The following MAL variants were observed in gnomAD, a reference collection of about 807,000 sequenced individuals.
The protein encoded by MAL is mal, T cell differentiation protein (MAL blood group).
Under a neutral mutation model 16.7 loss-of-function variants are expected in MAL, and 5 were observed. That is an observed-to-expected ratio of 0.30 (90% CI 0.16 to 0.63). MAL has a LOEUF of 0.63. MAL is among the 30% of genes least tolerant of loss of function. The pLI is 0.82. For missense variants in MAL, 202 were observed against 195.8 expected (o/e 1.03, Z -0.19); for synonymous variants, 96 against 85.5 (o/e 1.12, Z -0.67).
At chr2:95,044,915 C>A (rs1372784711) in intron 1 of MAL, among the ~76,000 whole-genome samples, 2 of 152,204 alleles carry the variant, frequency 1.3e-5, no homozygotes, top group African/African-American at 4.8e-5. Flanking sequence ...ACATCTTAAG[C>A]CACGTGGGAA....
intron 1 of MAL, among the ~76,000 whole-genome samples, chr2:95,028,152 CA>C (rs898443996): frequency 0.017 from 662 of 39,700 alleles, 4 homozygotes; most frequent in Middle Eastern, 0.056. Flanking sequence ...ACTAAAAATA[CA>C]AAAAAAAAAA....
intron 2 of MAL, 80 bp from the exon 3 acceptor site, chr2:95,049,501 G>C: frequency 3.9e-6 from 6 of 1,558,266 alleles, no homozygotes; most frequent in Non-Finnish European, 5.3e-6. Flanking sequence ...GGCAAGGGGC[G>C]GGGGTGGAGG....
chr2:95,047,156 T>C (rs545344775), intron 1 of MAL, among the ~76,000 whole-genome samples: 6 of 152,256 alleles, frequency 3.9e-5, no homozygotes, highest in Non-Finnish European at 7.4e-5. Context: ...GGAAAGGACA[T>C]TTTAATATCA....
intron 1 of MAL, among the ~76,000 whole-genome samples, chr2:95,038,373 T>A (rs1197635843): frequency 2.0e-5 from 3 of 151,514 alleles, no homozygotes; most frequent in Non-Finnish European, 4.4e-5. Context: ...GCTAAGTGAG[T>A]GAGTGACTAA....
At chr2:95,034,740 T>C (rs2104335003) in intron 1 of MAL, among the ~76,000 whole-genome samples, 1 of 152,260 alleles carries the variant, frequency 6.6e-6, no homozygotes, top group South Asian at 2.1e-4. Context: ...ACAGACCTCC[T>C]TCATCTCCAT....
intron 1 of MAL, among the ~76,000 whole-genome samples, chr2:95,028,035 G>T (rs1227938277): frequency 6.6e-6 from 1 of 151,926 alleles, no homozygotes; most frequent in African/African-American, 2.4e-5. Context: ...GGCCAGTTGC[G>T]GTGACTCACG....
At chr2:95,032,452 T>G (rs753558844) in intron 1 of MAL, among the ~76,000 whole-genome samples, 4 of 152,214 alleles carry the variant, frequency 2.6e-5, no homozygotes, top group Non-Finnish European at 2.9e-5. Flanking sequence ...GGCTTCCTCC[T>G]GGCCCCTCCA....
At chr2:95,037,300 A>AG (rs1458826879) in intron 1 of MAL, among the ~76,000 whole-genome samples, 1 of 130,048 alleles carries the variant, frequency 7.7e-6, no homozygotes, top group East Asian at 2.7e-4. Context: ...TGAATGACTG[A>AG]TGGGTGAGTG....
intron 1 of MAL, among the ~76,000 whole-genome samples, chr2:95,044,113 G>A (rs1444163280): frequency 3.9e-5 from 6 of 152,226 alleles, no homozygotes; most frequent in Non-Finnish European, 7.3e-5. Context: ...GTCCCCTTGA[G>A]AGAGAATTTC....
At chr2:95,028,193 C>CATGCCTGTA (rs1432491511) in intron 1 of MAL, among the ~76,000 whole-genome samples, 1 of 149,006 alleles carries the variant, frequency 6.7e-6, no homozygotes, top group Non-Finnish European at 1.5e-5. Context: ...TTGGGTGGCT[C>CATGCCTGTA]ATGCCTGTAG....
chr2:95,049,623 G>C lies in MAL; in HGVS notation c.304G>C (p.Ala102Pro). ...CACCGCTGCCCTCTTTTACCTCAGC[G>C]CCTCAGTCCTGGAGGCCCTGGCCAC... ...HCTAALFYLS[A>P]SVLEALATIT... The change falls in exon 3 of 4, where the codon GCC becomes CCC. Residue 102 changes from alanine to proline, a missense_variant. Transcript: ENST00000309988. 1 of 1,614,162 alleles carries C rather than the reference G, an allele frequency of 6.2e-7. No individual in the cohort carries two copies.
chr2:95,038,816 CTGAG>C (rs753293970), intron 1 of MAL, among the ~76,000 whole-genome samples: 17 of 118,150 alleles, frequency 1.4e-4, no homozygotes, highest in Non-Finnish European at 2.2e-4. Flanking sequence ...GACCGAGTGA[CTGAG>C]TGAGTGAGTG....
chr2:95,028,332 A>T (rs180920206), intron 1 of MAL, among the ~76,000 whole-genome samples: 2 of 152,092 alleles, frequency 1.3e-5, no homozygotes, highest in East Asian at 3.9e-4. Context: ...CAAAAAAATA[A>T]ATTAATAAGT....
intron 1 of MAL, chr2:95,044,431 A>G (rs1376519654): frequency 6.6e-6 from 1 of 152,226 alleles, no homozygotes; most frequent in African/African-American, 2.4e-5. Context: ...CTGTTTAAGA[A>G]AAGAAAAAGA....
chr2:95,031,274 C>T (rs1674070855), intron 1 of MAL, among the ~76,000 whole-genome samples: 1 of 152,192 alleles, frequency 6.6e-6, no homozygotes, highest in African/African-American at 2.4e-5. Context: ...CCTGAGTAGG[C>T]AGCCCTGCCC....
chr2:95,037,904 G>A (rs1573292237), intron 1 of MAL, among the ~76,000 whole-genome samples: 1 of 150,330 alleles, frequency 6.7e-6, no homozygotes, highest in East Asian at 2.0e-4. Flanking sequence ...GGGTGAGTGA[G>A]TGACTTGGTG....
intron 1 of MAL, among the ~76,000 whole-genome samples, chr2:95,038,416 CTGAA>C (rs1420983105): frequency 8.7e-6 from 1 of 115,362 alleles, no homozygotes; most frequent in South Asian, 2.9e-4. Context: ...GAGTGAGTGA[CTGAA>C]TGAGTGACTG....
chr2:95,049,833 C>T, intron 3 of MAL, 127 bp downstream of exon 3: 4 of 1,349,792 alleles, frequency 3.0e-6, no homozygotes, highest in Non-Finnish European at 3.0e-6. Context: ...TCAAACCTTG[C>T]CTTCATGCCT....
intron 1 of MAL, among the ~76,000 whole-genome samples, chr2:95,028,751 A>G (rs1031572514): frequency 2.0e-5 from 3 of 152,256 alleles, no homozygotes; most frequent in African/African-American, 7.2e-5. Flanking sequence ...TACGTGCTAC[A>G]AAGTTGATAA....
Sources: allele counts gnomAD v4.1 joint callset (sites outside exome capture counted in the v4.1 genomes callset), GRCh38; gene constraint gnomAD v4.1.1; transcripts MANE v1.5; gene names NCBI Gene and HGNC (gene_info 2026-07-23, HGNC 2026-07-21).